CYP7B1: variants seen among roughly 807,000 people sequenced by gnomAD.
CYP7B1 encodes cytochrome P450 7B1.
A neutral mutation model predicts 42.7 loss-of-function variants in CYP7B1; 29 were observed. That is an observed-to-expected ratio of 0.68 (90% confidence interval 0.51 to 0.93). CYP7B1 has a LOEUF of 0.93. Among genes scored for constraint, CYP7B1 ranks in the 40% least tolerant of loss-of-function variants. The pLI is 0.00. For missense variants in CYP7B1, 655 were observed against 600.5 expected (o/e 1.09, Z -0.95); for synonymous variants, 235 against 218.2 (o/e 1.08, Z -0.68).
At chr8:64,587,539 C>T (rs1804984850), downstream of CYP7B1, among the ~76,000 whole-genome samples, 1 of 152,226 alleles carries the variant, frequency 6.6e-6, no homozygotes, top group South Asian at 2.1e-4. Context: ...CCGAAGCATC[C>T]GCGAAAGCGC....
intron 4 of CYP7B1, among the ~76,000 whole-genome samples, chr8:64,611,051 T>C (rs1228326353): frequency 6.6e-6 from 1 of 152,174 alleles, no homozygotes; most frequent in Non-Finnish European, 1.5e-5. Context: ...AAGCTAAAAA[T>C]TCAGCCAACT....
At position 64,762,604 on chromosome 8, in the gene CYP7B1, C is replaced by T. The variant is rs572990282; in HGVS notation, c.122+35862G>A. Among the ~76,000 whole-genome samples the T allele has an allele frequency of 4.6e-5, 7 of 152,328 alleles. No individual in the cohort carries two copies. In the South Asian group the frequency reaches 1.4e-3, roughly 32 times the overall value. ...TAATGCAATGACCTGGGGCTACCAA[C>T]TGTTTGTAATAGCACAAATCTAAAC... On this transcript the variant is annotated intron_variant, in intron 1 of 5. Transcript: ENST00000310193.
Position 64,596,859 on chromosome 8 carries a change from A to G in CYP7B1, c.1304T>C (p.Leu435Pro), listed in dbSNP as rs2129629752. ...KTTFFKRGKK[L>P]KCYLMPFGTG... ...TCCAAACGGCATTAGGTAACACTTCAGCTTTTTCCCTCTTTTGAAAAAGGT... is the reference window on the plus strand; with the variant it reads ...TCCAAACGGCATTAGGTAACACTTCGGCTTTTTCCCTCTTTTGAAAAAGGT... Residue 435 changes from leucine to proline, a missense_variant, in exon 6 of 6, where the codon CTG becomes CCG. Transcript: ENST00000310193. 6 of 1,614,020 alleles carry G rather than the reference A, an allele frequency of 3.7e-6. No homozygotes were observed. The highest frequency in any genetic ancestry group is 4.2e-6 in the Non-Finnish European group (5 of 1,179,934).
rs1309800856 is a variant in CYP7B1 at position 64,596,776 on chromosome 8, A to G, written c.1387T>C (p.Leu463=). Residue 463 remains leucine (L), a synonymous_variant, in exon 6 of 6, where the codon TTG becomes CTG. Transcript: ENST00000310193. ...FFALMEIKQL[L]VILLTYFDLE... ...TCAAAATAAGTTAAAAGTATAACCAACAATTGTTTTATTTCCATAAGTGCA... is the reference window on the plus strand; with the variant it reads ...TCAAAATAAGTTAAAAGTATAACCAGCAATTGTTTTATTTCCATAAGTGCA... 6.2e-7 allele frequency: 1 copy of G among 1,614,134 alleles called. No homozygotes were observed. Among genetic ancestry groups the G allele is most frequent in the Non-Finnish European group, 8.5e-7 (1 of 1,180,006 alleles).
At chr8:64,794,066 G>T (rs900134268) in intron 1 of CYP7B1, among the ~76,000 whole-genome samples, 20 of 152,160 alleles carry the variant, frequency 1.3e-4, no homozygotes, top group African/African-American at 4.8e-4. Context: ...AATATTGAGT[G>T]AGGTCCAGGG....
intron 1 of CYP7B1, among the ~76,000 whole-genome samples, chr8:64,626,653 T>G (rs1188372079): frequency 6.6e-6 from 1 of 152,204 alleles, no homozygotes; most frequent in Non-Finnish European, 1.5e-5. Flanking sequence ...CTTAGCAAGA[T>G]TATACTTCAA....
At chr8:64,736,684 C>T (rs778990209) in intron 1 of CYP7B1, among the ~76,000 whole-genome samples, 7 of 152,050 alleles carry the variant, frequency 4.6e-5, no homozygotes, top group Middle Eastern at 3.4e-3. Context: ...CTCCTGACCT[C>T]GTGATCCTCC....
rs562629491 is a variant in CYP7B1 at position 64,592,647 on chromosome 8, A to G, written c.*3995T>C. On this transcript the variant is annotated 3_prime_UTR_variant, in exon 6 of 6. Transcript: ENST00000310193. ...GAACAATACACAAGAGCAATTTTTTAAAGGCACAACACTGTTGAAGTATCT... is the reference window on the plus strand; with the variant it reads ...GAACAATACACAAGAGCAATTTTTTGAAGGCACAACACTGTTGAAGTATCT... Among the ~76,000 whole-genome samples, 1 of 152,374 alleles carries G rather than the reference A, an allele frequency of 6.6e-6. No individual in the cohort carries two copies. The highest frequency in any genetic ancestry group is 2.1e-4 in the South Asian group (1 of 4,830).
At chr8:64,778,842 A>C (rs1180706243) in intron 1 of CYP7B1, among the ~76,000 whole-genome samples, 1 of 152,086 alleles carries the variant, frequency 6.6e-6, no homozygotes, top group Admixed American at 6.6e-5. Flanking sequence ...GTCTAGGCAC[A>C]CAGTAGACCC....
At chr8:64,622,405 C>T (rs1020224336) in intron 2 of CYP7B1, among the ~76,000 whole-genome samples, 2 of 152,098 alleles carry the variant, frequency 1.3e-5, no homozygotes, top group African/African-American at 4.8e-5. Flanking sequence ...AGATAAAGAA[C>T]TAGAAGGGGG....
rs142702413 is a variant in CYP7B1 at position 64,792,746 on chromosome 8, G to T, written c.122+5720C>A. 1.2e-3 allele frequency among the ~76,000 whole-genome samples: 189 copies of T among 152,266 alleles called. 2 individuals carry two copies. In the East Asian group the frequency reaches 0.027, roughly 22 times the overall value. Reference sequence around the variant, plus strand: ...CATACACAGATCCTCGCAAATACGTGATTGTGATGATTTAGATGATGAGAT... The same window carrying T: ...CATACACAGATCCTCGCAAATACGTTATTGTGATGATTTAGATGATGAGAT... On this transcript the variant is annotated intron_variant, in intron 1 of 5. Coordinates refer to ENST00000310193, the MANE Select transcript of CYP7B1 (RefSeq NM_004820.5).
At chr8:64,764,288 G>A (rs2129633800) in intron 1 of CYP7B1, among the ~76,000 whole-genome samples, 1 of 125,128 alleles carries the variant, frequency 8.0e-6, no homozygotes, top group Admixed American at 1.1e-4. Flanking sequence ...TGGCTCCTTG[G>A]TCAGGGCCTT....
At chr8:64,743,307 T>C (rs1417527826) in intron 1 of CYP7B1, among the ~76,000 whole-genome samples, 1 of 152,176 alleles carries the variant, frequency 6.6e-6, no homozygotes, top group Non-Finnish European at 1.5e-5. Flanking sequence ...TATCTGTTAA[T>C]TGATTCAACA....
intron 4 of CYP7B1, among the ~76,000 whole-genome samples, chr8:64,606,603 C>T (rs913337654): frequency 7.2e-5 from 11 of 152,064 alleles, no homozygotes; most frequent in Non-Finnish European, 1.5e-4. Context: ...GCAGCTTGCG[C>T]CCACCACAGT....
At chr8:64,756,381 G>A (rs901372507) in intron 1 of CYP7B1, among the ~76,000 whole-genome samples, 1 of 152,224 alleles carries the variant, frequency 6.6e-6, no homozygotes, top group Non-Finnish European at 1.5e-5. Context: ...CATCCAGAAA[G>A]AGAATATGTT....
At chr8:64,754,930 G>A (rs1807784807) in intron 1 of CYP7B1, among the ~76,000 whole-genome samples, 1 of 152,178 alleles carries the variant, frequency 6.6e-6, no homozygotes. Flanking sequence ...AAGATCTTAA[G>A]AGCAGTATGG....
intron 1 of CYP7B1, among the ~76,000 whole-genome samples, chr8:64,697,393 C>CCT (rs1455470666): frequency 6.6e-6 from 1 of 151,914 alleles, no homozygotes; most frequent in Non-Finnish European, 1.5e-5. Context: ...ATGTGTAAGC[C>CCT]CCCCTCCCGC....
intron 1 of CYP7B1, among the ~76,000 whole-genome samples, chr8:64,741,160 CCCATACAACACCTTACTGAAAA>C (rs144538164): frequency 0.23 from 35,382 of 151,908 alleles, 4,628 homozygotes; most frequent in African/African-American, 0.34. Flanking sequence ...CTTCACTACT[CCCATACAACACCTTACTGAAAA>C]TTCTAGCTAG....
chr8:64,650,534 G>A (rs536384106), intron 1 of CYP7B1, among the ~76,000 whole-genome samples: 1 of 152,240 alleles, frequency 6.6e-6, no homozygotes, highest in East Asian at 1.9e-4. Flanking sequence ...TGTAGTCCCA[G>A]CTACTTAGGA....
Sources: gnomAD v4.1 joint callset for allele counts (sites outside exome capture counted in the v4.1 genomes callset) on GRCh38, gnomAD v4.1.1 for gene constraint, MANE v1.5 for transcripts, NCBI Gene and HGNC (gene_info 2026-07-23, HGNC 2026-07-21) for gene names.